The following HMCN1 variants were observed in gnomAD, a reference collection of about 807,000 sequenced individuals.
HMCN1 encodes the protein hemicentin-1.
A neutral mutation model predicts 625.9 loss-of-function variants in HMCN1; 321 were observed. That is an observed-to-expected ratio of 0.51 (90% CI 0.47 to 0.56). HMCN1 has a LOEUF of 0.56. Among genes scored for constraint, HMCN1 ranks in the 20% least tolerant of loss-of-function variants. The pLI is 0.00. For synonymous variants in HMCN1, 2,425 were observed against 2,417.6 expected (o/e 1.00, Z -0.09); for missense variants, 6,588 against 6,887.3 (o/e 0.96, Z 1.54).
At chr1:186,122,881 TGTA>T in intron 80 of HMCN1, 67 bp from the exon 81 acceptor site, 1 of 1,466,536 alleles carries the variant, frequency 6.8e-7, no homozygotes, top group Non-Finnish European at 9.5e-7. Context: ...AGAGCAGTAC[TGTA>T]GTATGTAATT....
intron 1 of HMCN1, among the ~76,000 whole-genome samples, chr1:185,817,948 C>T (rs1659945341): frequency 1.3e-5 from 2 of 152,242 alleles, no homozygotes; most frequent in South Asian, 4.1e-4. Context: ...TGCTTTTACC[C>T]ATACTGTTTT....
chr1:186,142,049 G>T (rs7536998), intron 89 of HMCN1, among the ~76,000 whole-genome samples: 7,951 of 152,104 alleles, frequency 0.052, 673 homozygotes, highest in African/African-American at 0.18. Context: ...TTCAGGTTTG[G>T]TATATAGGTA....
At chr1:186,017,286 G>T (rs535080472) in intron 33 of HMCN1, among the ~76,000 whole-genome samples, 1 of 152,050 alleles carries the variant, frequency 6.6e-6, no homozygotes, top group East Asian at 1.9e-4. Flanking sequence ...TCCATTGTAT[G>T]GACTTAGAAA....
At chr1:185,744,774 A>AGTTT (rs1255114618) in intron 1 of HMCN1, among the ~76,000 whole-genome samples, 1 of 152,220 alleles carries the variant, frequency 6.6e-6, no homozygotes, top group Admixed American at 6.5e-5. Flanking sequence ...GAATAAAAGC[A>AGTTT]GTTTAATCAA....
At chr1:185,855,344 T>C (rs982801043) in intron 2 of HMCN1, among the ~76,000 whole-genome samples, 6 of 152,168 alleles carry the variant, frequency 3.9e-5, no homozygotes, top group African/African-American at 1.4e-4. Flanking sequence ...GAGAAGAGGA[T>C]GGTTACTGAA....
At chr1:185,743,912 G>C (rs1047222541) in intron 1 of HMCN1, among the ~76,000 whole-genome samples, 11 of 150,488 alleles carry the variant, frequency 7.3e-5, no homozygotes, top group Non-Finnish European at 1.6e-4. Flanking sequence ...AAGGAAAATA[G>C]TACAACACTT....
chr1:185,864,698 C>T lies in HMCN1; in HGVS notation c.498+70C>T, dbSNP rs115140505. On this transcript the variant is annotated intron_variant, in intron 3 of 106. Transcript: ENST00000271588. ...GTAAGAGATTGCCTGTCCTCTTTGA[C>T]TCTTCCATGTGTGGTCAATAACAAT... The T allele has an allele frequency of 5.1e-6, 7 of 1,371,822 alleles. No individual in the cohort carries two copies. In the African/African-American group the frequency reaches 1.0e-4, roughly 20 times the overall value. The allele number at this position is 1,371,822 out of a possible 1,614,324, so 85.0% of individuals were successfully genotyped here.
At chr1:185,886,447 T>A (rs1264763596) in intron 4 of HMCN1, among the ~76,000 whole-genome samples, 1 of 152,116 alleles carries the variant, frequency 6.6e-6, no homozygotes, top group Admixed American at 6.6e-5. Context: ...TGCATCTCCT[T>A]TGAAAAGGTT....
chr1:185,753,815 T>C (rs573097619), intron 1 of HMCN1, among the ~76,000 whole-genome samples: 1 of 152,182 alleles, frequency 6.6e-6, no homozygotes, highest in Non-Finnish European at 1.5e-5. Context: ...CCTTGTACAT[T>C]GTTGGTGGGA....
chr1:185,876,684 T>C (rs1489221847), intron 4 of HMCN1, among the ~76,000 whole-genome samples: 1 of 152,110 alleles, frequency 6.6e-6, no homozygotes, highest in Non-Finnish European at 1.5e-5. Flanking sequence ...ATTTTTTTCA[T>C]ATGTTTGTTG....
At chr1:186,144,106 T>G in intron 89 of HMCN1, 67 bp from the exon 90 acceptor site, 1 of 1,428,976 alleles carries the variant, frequency 7.0e-7, no homozygotes, top group Non-Finnish European at 9.4e-7. Flanking sequence ...GTTAATTTAT[T>G]TATATAATTT....
chr1:186,171,053 A>G (rs960841823), intron 100 of HMCN1, among the ~76,000 whole-genome samples: 6 of 152,218 alleles, frequency 3.9e-5, no homozygotes, highest in Non-Finnish European at 8.8e-5. Flanking sequence ...TCCGAGAAAC[A>G]GGAGTGAGAG....
intron 30 of HMCN1, among the ~76,000 whole-genome samples, chr1:186,012,620 C>T (rs1212266039): frequency 6.6e-6 from 1 of 151,940 alleles, no homozygotes; most frequent in African/African-American, 2.4e-5. Flanking sequence ...TTCTTTAGAC[C>T]CGTTTCTTTT....
rs1650145458 is a variant in HMCN1, at chr1:186,144,283, G to A, written c.14035G>A (p.Gly4679Arg). ...LCNNPPPAFGGSYCDGAETQM... is the reference protein window; with the variant it reads ...LCNNPPPAFGRSYCDGAETQM... ...TAATAACCCACCACCAGCGTTTGGT[G>A]GGTCCTACTGTGATGGAGCAGAAAC... The change falls in exon 90 of 107, where the codon GGG becomes AGG. Residue 4679 changes from glycine (G) to arginine (R), a missense_variant. By Grantham distance (125) the Gly-to-Arg change is moderately radical. Coordinates refer to ENST00000271588, the MANE Select transcript of HMCN1 (RefSeq NM_031935.3). 6.2e-7 allele frequency: 1 copy of A among 1,614,028 alleles called. No homozygotes were observed. The highest frequency in any genetic ancestry group is 8.5e-7 in the Non-Finnish European group (1 of 1,180,002).
At chr1:185,928,444 C>A in intron 9 of HMCN1, 102 bp from the exon 10 acceptor site, 2 of 962,842 alleles carry the variant, frequency 2.1e-6, no homozygotes, top group South Asian at 1.3e-5. Flanking sequence ...ATTTTCTTTA[C>A]ATTGTTCTTT....
At chr1:186,096,912 A>AGTG (rs2102427109) in intron 68 of HMCN1, among the ~76,000 whole-genome samples, 1 of 152,302 alleles carries the variant, frequency 6.6e-6, no homozygotes, top group South Asian at 2.1e-4. Context: ...AAGACTATTT[A>AGTG]TGATAAATCC....
At chr1:186,008,205 G>A (rs180849250) in intron 30 of HMCN1, among the ~76,000 whole-genome samples, 1 of 152,148 alleles carries the variant, frequency 6.6e-6, no homozygotes, top group African/African-American at 2.4e-5. Context: ...TTGATACATA[G>A]CAAGTCTCAA....
intron 6 of HMCN1, among the ~76,000 whole-genome samples, chr1:185,918,893 C>T (rs191090448): frequency 2.2e-4 from 33 of 152,220 alleles, no homozygotes; most frequent in Middle Eastern, 3.4e-3. Flanking sequence ...TTCTTATCTA[C>T]AGAAGCCATG....
At position 186,172,146 on chromosome 1, in the gene HMCN1, G is replaced by A. The variant is rs746857542; in HGVS notation, c.15814+15G>A. 6.2e-7 allele frequency: 1 copy of A among 1,613,226 alleles called. No homozygotes were observed. Among genetic ancestry groups the A allele is most frequent in the South Asian group, 1.1e-5 (1 of 91,050 alleles). On this transcript the variant is annotated intron_variant, in intron 102 of 106. Transcript: ENST00000271588. ...AACCTGTATTGGTGAGTGTCTGGCT[G>A]TTTCCGTGACTGAGATCAGTTTGCC...
Sources: gnomAD v4.1 joint callset for allele counts (sites outside exome capture counted in the v4.1 genomes callset) on GRCh38, gnomAD v4.1.1 for gene constraint, MANE v1.5 for transcripts, NCBI Gene and HGNC (gene_info 2026-07-23, HGNC 2026-07-21) for gene names.